UBAC1: variants seen among roughly 807,000 people sequenced by gnomAD.
The protein encoded by UBAC1 is UBA domain containing 1, also known as ubiquitin-associated domain-containing protein 1.
In UBAC1, 27 loss-of-function variants were observed where a neutral mutation model predicts 45.9. The observed-to-expected ratio is 0.59, with a 90% CI of 0.43 to 0.81. The LOEUF is 0.81. Ranked by LOEUF, UBAC1 falls within the 30% of genes least tolerant of loss-of-function variation. The pLI is 0.00. For synonymous variants in UBAC1, 227 were observed against 215.5 expected (o/e 1.05, Z -0.47); for missense variants, 529 against 539.2 (o/e 0.98, Z 0.19).
intron 1 of UBAC1, among the ~76,000 whole-genome samples, chr9:135,960,174 G>A (rs982614596): frequency 6.6e-6 from 1 of 152,152 alleles, no homozygotes; most frequent in Non-Finnish European, 1.5e-5. Flanking sequence ...ATTCTGCCAA[G>A]CCCTCAGATC....
intron 4 of UBAC1, among the ~76,000 whole-genome samples, chr9:135,947,197 T>C (rs541814442): frequency 6.6e-6 from 1 of 152,222 alleles, no homozygotes; most frequent in East Asian, 1.9e-4. Context: ...GCAAACACTT[T>C]TCTTTTTTAA....
intron 5 of UBAC1, 112 bp from the exon 6 acceptor site, chr9:135,946,109 G>T: frequency 8.5e-7 from 1 of 1,172,592 alleles, no homozygotes; most frequent in Non-Finnish European, 1.2e-6. Flanking sequence ...CCGCCCTCAG[G>T]CACATCAACA....
At chr9:135,947,674 C>A (rs1473181042) in intron 4 of UBAC1, 124 bp downstream of exon 4, 15 of 718,892 alleles carry the variant, frequency 2.1e-5, no homozygotes, top group Non-Finnish European at 3.3e-5. Context: ...CAGACCCGCT[C>A]ACCGGCTTCC....
intron 9 of UBAC1, among the ~76,000 whole-genome samples, chr9:135,937,687 G>A (rs1012125171): frequency 3.3e-5 from 5 of 152,202 alleles, no homozygotes; most frequent in African/African-American, 7.2e-5. Context: ...CGGCCACGGC[G>A]ACGGCCACAC....
intron 2 of UBAC1, among the ~76,000 whole-genome samples, chr9:135,954,450 G>A (rs1355151502): frequency 6.6e-6 from 1 of 152,178 alleles, no homozygotes; most frequent in Non-Finnish European, 1.5e-5. Context: ...TCTCAAAAGA[G>A]CATGGGTTCC....
chr9:135,961,290 T>A lies in UBAC1; in HGVS notation c.-128A>T. 2.4e-6 allele frequency: 2 copies of A among 831,044 alleles called. No homozygotes were observed. Among genetic ancestry groups the A allele is most frequent in the Non-Finnish European group, 3.0e-6 (2 of 668,232 alleles). 51.5% of individuals were successfully genotyped at this position (831,044 alleles called of 1,614,324 possible). ...CGCTGGGCCGCCGCCCCGCCCCGGC[T>A]CCCGTCGGCCGGGCCGCCGTCACTC... On this transcript the variant is annotated 5_prime_UTR_variant, in exon 1 of 10. Transcript: ENST00000371756.
rs757909852 is a variant in UBAC1, at chr9:135,938,187, C to T, written c.1102+35G>A. ...CTGCAAGGGAACCAGCCAGCCTCCC[C>T]GACCCGAGACTTAGCATAAAGAAGG... On this transcript the variant is annotated intron_variant, in intron 9 of 9. Transcript: ENST00000371756. 1.1e-5 allele frequency: 17 copies of T among 1,606,322 alleles called. No homozygotes were observed. The African/African-American group carries it at 1.6e-4, about 15-fold the overall frequency.
At chr9:135,940,142 C>T (rs1363112550) in intron 7 of UBAC1, among the ~76,000 whole-genome samples, 4 of 152,114 alleles carry the variant, frequency 2.6e-5, no homozygotes, top group African/African-American at 9.7e-5. Flanking sequence ...CGGCAGCCAC[C>T]GCAGGTTTAC....
chr9:135,935,798 G>A (rs957609264), intron 9 of UBAC1, among the ~76,000 whole-genome samples: 36 of 152,218 alleles, frequency 2.4e-4, no homozygotes, highest in Non-Finnish European at 3.1e-4. Flanking sequence ...AGGCCGAGAC[G>A]GGCGGATCAC....
At chr9:135,948,121 G>C in intron 3 of UBAC1, 1 of 509,076 alleles carries the variant, frequency 2.0e-6, no homozygotes, top group South Asian at 2.8e-5. Flanking sequence ...GTAAATAAGA[G>C]TGAAGCGGTA....
intron 8 of UBAC1, among the ~76,000 whole-genome samples, 196 bp from the exon 9 acceptor site, chr9:135,938,556 A>G (rs1169218319): frequency 6.6e-6 from 1 of 152,260 alleles, no homozygotes; most frequent in Non-Finnish European, 1.5e-5. Context: ...AGACCAGGCC[A>G]GAGAAGGAAG....
intron 9 of UBAC1, among the ~76,000 whole-genome samples, chr9:135,935,852 CTG>C (rs1839197578): frequency 6.6e-6 from 1 of 152,020 alleles, no homozygotes; most frequent in African/African-American, 2.4e-5. Context: ...CGGTGAAACC[CTG>C]TCTCTACTAA....
chr9:135,945,095 GCCT>G lies in UBAC1; in HGVS notation c.806_808del (p.Glu269del), dbSNP rs66767056. The G allele has an allele frequency of 0.26, 413,248 of 1,613,562 alleles. 55,313 individuals are homozygous for G. Among genetic ancestry groups the G allele is most frequent in the Non-Finnish European group, 0.28 (329,038 of 1,179,724 alleles). On this transcript the variant is annotated inframe_deletion, in exon 7 of 10. Coordinates refer to ENST00000371756, the MANE Select transcript of UBAC1 (RefSeq NM_016172.3). ...GAAGATTTCCGTCAGCTCATCTCTG[GCCT>G]CCTCATCGGTGGCGCTGGCTCCCGC...
At chr9:135,936,499 CTTT>C (rs202151720) in intron 9 of UBAC1, among the ~76,000 whole-genome samples, 2 of 141,764 alleles carry the variant, frequency 1.4e-5, no homozygotes, top group Non-Finnish European at 3.1e-5. Context: ...TTTCCTTTTT[CTTT>C]TTTTTTTTTT....
chr9:135,944,473 C>T (rs1839302488), intron 7 of UBAC1, among the ~76,000 whole-genome samples: 1 of 152,168 alleles, frequency 6.6e-6, no homozygotes, highest in African/African-American at 2.4e-5. Context: ...AAGTAAAACC[C>T]GAATCAAAGA....
Position 135,961,134 on chromosome 9 carries a change from G to A in UBAC1, c.29C>T (p.Ala10Val). 3.2e-6 allele frequency: 5 copies of A among 1,585,198 alleles called. No individual in the cohort carries two copies. Among genetic ancestry groups the A allele is most frequent in the Non-Finnish European group, 4.3e-6 (5 of 1,171,392 alleles). Residue 10 changes from alanine to valine, a missense_variant, in exon 1 of 10, where the codon GCG becomes GTG. Ala to Val is a moderately conservative substitution (Grantham distance 64, BLOSUM62 0). Transcript: ENST00000371756. ...GATGTGCAGCCGCAGCACCTTGCCCGCGAAGATCTTCTCCTCCTGCACGAA... is the reference window on the plus strand; with the variant it reads ...GATGTGCAGCCGCAGCACCTTGCCCACGAAGATCTTCTCCTCCTGCACGAA... MFVQEEKIF[A>V]GKVLRLHICA...
Position 135,945,872 on chromosome 9 carries a change from GGTGGC to G in UBAC1, c.653+12_653+16del. ...CCAGGTGTCTCCGGCAAGGGAAGGAGGTGGCCCCCCACGCACTGGTTCAGCTGAAG... is the reference window on the plus strand; with the variant it reads ...CCAGGTGTCTCCGGCAAGGGAAGGAGCCCCCACGCACTGGTTCAGCTGAAG... On this transcript the variant is annotated intron_variant, in intron 6 of 9. Coordinates refer to ENST00000371756, the MANE Select transcript of UBAC1 (RefSeq NM_016172.3). 1 of 1,609,662 alleles carries G rather than the reference GGTGGC, an allele frequency of 6.2e-7. No individual in the cohort carries two copies. Among genetic ancestry groups the G allele is most frequent in the South Asian group, 1.1e-5 (1 of 90,970 alleles).
At chr9:135,938,615 C>T (rs1251739962) in intron 8 of UBAC1, among the ~76,000 whole-genome samples, 2 of 152,276 alleles carry the variant, frequency 1.3e-5, no homozygotes, top group Admixed American at 6.5e-5. Flanking sequence ...GGATCACTGA[C>T]TGCTGCCGCT....
At position 135,947,855 on chromosome 9, in the gene UBAC1, G is replaced by C; in HGVS notation, c.384C>G (p.Thr128=). The change falls in exon 4 of 10, where the codon ACC becomes ACG. Residue 128 remains threonine, a synonymous_variant. Coordinates refer to ENST00000371756, the MANE Select transcript of UBAC1 (RefSeq NM_016172.3). ...CCATGTTGTAGGAGGGCAGGTTGGC[G>C]GTGGCCCGCAGTATGGCCTCTTTAT... ...APDKEAILRA[T]ANLPSYNMDR... 6.2e-7 allele frequency: 1 copy of C among 1,614,164 alleles called. No homozygotes were observed. The highest frequency in any genetic ancestry group is 8.5e-7 in the Non-Finnish European group (1 of 1,180,014).
Sources: gnomAD v4.1 joint callset for allele counts (sites outside exome capture counted in the v4.1 genomes callset) on GRCh38, gnomAD v4.1.1 for gene constraint, MANE v1.5 for transcripts, NCBI Gene and HGNC (gene_info 2026-07-23, HGNC 2026-07-21) for gene names.